Variants in ARMC9 observed in about 807,000 individuals in gnomAD.
ARMC9 encodes armadillo repeat containing 9, also known as lisH domain-containing protein ARMC9.
ARMC9 carries 94 observed loss-of-function variants against 107.0 expected under a neutral mutation model. That is an observed-to-expected ratio of 0.88 (90% CI 0.74 to 1.04). The LOEUF (loss-of-function observed/expected upper bound fraction) is 1.04, where lower values mean the gene tolerates loss of function less well. Among genes scored for constraint, ARMC9 ranks in the 50% least tolerant of loss-of-function variants. The probability of loss-of-function intolerance (pLI) is 0.00; values close to 1 mark genes in which losing one functional copy is unlikely to be tolerated. For synonymous variants in ARMC9, 380 were observed against 396.9 expected (o/e 0.96, Z 0.51); for missense variants, 942 against 1,030.1 (o/e 0.91, Z 1.17).
intron 20 of ARMC9, among the ~76,000 whole-genome samples, chr2:231,342,739 G>A (rs2044592610): frequency 1.3e-5 from 2 of 152,046 alleles, no homozygotes; most frequent in African/African-American, 4.8e-5. Flanking sequence ...ATCCTGCCTT[G>A]GTAGATTTCT....
rs1338683915 is a variant in ARMC9, at chr2:231,262,179, G to A, written c.1027-127G>A. On this transcript the variant is annotated intron_variant, in intron 11 of 24. Coordinates refer to ENST00000611582, the MANE Select transcript of ARMC9 (RefSeq NM_001352754.2). ...TAACTTGCCACCACTCCCCAAGCTG[G>A]ATATTACTTATTTTGTTTGGTTAAA... 6 of 883,082 alleles carry A rather than the reference G, an allele frequency of 6.8e-6. No individual in the cohort carries two copies. In the East Asian group the frequency reaches 1.5e-4, roughly 22 times the overall value. 54.7% of individuals were successfully genotyped at this position (883,082 alleles called of 1,614,324 possible). A position where few individuals can be genotyped will look rare whatever the true frequency, so the allele number is the denominator to read the frequency against.
intron 9 of ARMC9, among the ~76,000 whole-genome samples, chr2:231,249,520 A>C (rs1349252193): frequency 1.3e-5 from 2 of 151,936 alleles, no homozygotes; most frequent in Non-Finnish European, 2.9e-5. Context: ...TCCTGACACC[A>C]GCTAGGGAGA....
At position 231,214,913 on chromosome 2, in the gene ARMC9, G is replaced by T. The variant is rs563490038; in HGVS notation, c.260G>T (p.Arg87Leu). The T allele has an allele frequency of 2.0e-5, 32 of 1,614,046 alleles. No individual in the cohort carries two copies. Among genetic ancestry groups the T allele is most frequent in the Non-Finnish European group, 2.6e-5 (31 of 1,180,036 alleles). The change falls in exon 4 of 25, where the codon CGA becomes CTA. Residue 87 changes from arginine (R) to leucine (L), a missense_variant. Coordinates refer to ENST00000611582, the MANE Select transcript of ARMC9 (RefSeq NM_001352754.2). The stretch of plus-strand genomic sequence containing the variant: ...GAGGAGCACATTTCAAGTTCCATCC[G>T]AGATGGGGACTCCTTTGCCCAGAAG... ...LWEEHISSSIRDGDSFAQKLE... is the reference protein window; with the variant it reads ...LWEEHISSSILDGDSFAQKLE...
intron 20 of ARMC9, among the ~76,000 whole-genome samples, chr2:231,332,941 G>A (rs142711692): frequency 2.0e-5 from 3 of 152,304 alleles, no homozygotes; most frequent in Non-Finnish European, 4.4e-5. Context: ...TGGAGCCAGC[G>A]TCTCAACAGT....
At chr2:231,283,605 T>C (rs1236751964) in intron 17 of ARMC9, among the ~76,000 whole-genome samples, 1 of 152,044 alleles carries the variant, frequency 6.6e-6, no homozygotes, top group Non-Finnish European at 1.5e-5. Context: ...GATTTTTGTA[T>C]TTTTAGTAGA....
At position 231,287,844 on chromosome 2, in the gene ARMC9, G is replaced by T. The variant is rs530277067; in HGVS notation, c.1627-3509G>T. On this transcript the variant is annotated intron_variant, in intron 17 of 24. Coordinates refer to ENST00000611582, the MANE Select transcript of ARMC9 (RefSeq NM_001352754.2). Reference sequence around the variant, plus strand: ...ACACAAGACATGAGCAAAGATGTATGTATCAGAATGTTCATTCCAGCTTTA... The same window carrying T: ...ACACAAGACATGAGCAAAGATGTATTTATCAGAATGTTCATTCCAGCTTTA... Among the ~76,000 whole-genome samples, 7 of 152,298 alleles carry T rather than the reference G, an allele frequency of 4.6e-5. No homozygotes were observed. In the South Asian group the frequency reaches 1.5e-3, roughly 32 times the overall value.
chr2:231,298,421 C>T (rs1040594736), intron 19 of ARMC9, among the ~76,000 whole-genome samples: 1 of 152,160 alleles, frequency 6.6e-6, no homozygotes, highest in African/African-American at 2.4e-5. Context: ...AGATCTTAGG[C>T]TAAAGAAAAT....
rs72985845 is a variant in ARMC9 at position 231,328,386 on chromosome 2, G to A, written c.1774-3407G>A. 5.0e-3 allele frequency among the ~76,000 whole-genome samples: 764 copies of A among 152,132 alleles called. 7 individuals are homozygous for A. The highest frequency in any genetic ancestry group is 9.3e-3 in the Non-Finnish European group (632 of 67,992). On this transcript the variant is annotated intron_variant, in intron 19 of 24. Transcript: ENST00000611582. ...ATCTTCTTAACAGCGTCTTTTCACC[G>A]AACAAGTTTTTAAGTTTTTTGATGA... is the stretch of plus-strand genomic sequence containing the variant.
At chr2:231,344,474 G>C (rs2044699328) in intron 20 of ARMC9, among the ~76,000 whole-genome samples, 1 of 152,112 alleles carries the variant, frequency 6.6e-6, no homozygotes, top group African/African-American at 2.4e-5. Context: ...TATCAATTTA[G>C]TGTTTTACTT....
chr2:231,238,348 TG>T (rs1163678206), intron 8 of ARMC9, among the ~76,000 whole-genome samples: 5 of 151,972 alleles, frequency 3.3e-5, no homozygotes, highest in South Asian at 2.1e-4. Flanking sequence ...GAAAAAGGTA[TG>T]TTTTTTTGTT....
chr2:231,205,552 A>C (rs1188743598), intron 1 of ARMC9, among the ~76,000 whole-genome samples: 1 of 152,178 alleles, frequency 6.6e-6, no homozygotes, highest in Non-Finnish European at 1.5e-5. Flanking sequence ...GGTGTGGGCC[A>C]TGGGGAATGA....
chr2:231,237,175 C>CCTGT (rs71296843), intron 8 of ARMC9, among the ~76,000 whole-genome samples: 2,752 of 148,802 alleles, frequency 0.018, 85 homozygotes, highest in African/African-American at 0.065. Context: ...TCTGCGTATG[C>CCTGT]GTGTGTGTGT....
chr2:231,323,244 G>C (rs1051933525), intron 19 of ARMC9, among the ~76,000 whole-genome samples: 1 of 152,002 alleles, frequency 6.6e-6, no homozygotes, highest in Non-Finnish European at 1.5e-5. Flanking sequence ...CTCCCAGCTG[G>C]AAGGCCTGAG....
intron 19 of ARMC9, among the ~76,000 whole-genome samples, chr2:231,307,262 T>C (rs2042085721): frequency 6.6e-6 from 1 of 152,196 alleles, no homozygotes; most frequent in Non-Finnish European, 1.5e-5. Flanking sequence ...ATAAGCATGC[T>C]GAGGACTGTT....
At chr2:231,307,769 G>A (rs2042115075) in intron 19 of ARMC9, among the ~76,000 whole-genome samples, 1 of 152,232 alleles carries the variant, frequency 6.6e-6, no homozygotes, top group African/African-American at 2.4e-5. Flanking sequence ...CAGGCATCTG[G>A]CCATAACGTT....
At chr2:231,280,754 G>A (rs768065728) in intron 16 of ARMC9, among the ~76,000 whole-genome samples, 8 of 152,292 alleles carry the variant, frequency 5.3e-5, no homozygotes, top group Non-Finnish European at 8.8e-5. Flanking sequence ...ATTCCTAATA[G>A]ATGAAGAGCT....
intron 23 of ARMC9, among the ~76,000 whole-genome samples, chr2:231,361,533 C>T (rs2045583406): frequency 6.6e-6 from 1 of 151,608 alleles, no homozygotes; most frequent in African/African-American, 2.4e-5. Context: ...CTCTCTTCCA[C>T]TGTGCCACGT....
intron 9 of ARMC9, chr2:231,256,073 C>T (rs2037763507): frequency 6.5e-7 from 1 of 1,539,304 alleles, no homozygotes; most frequent in Non-Finnish European, 8.7e-7. Flanking sequence ...CGCCTCTCCG[C>T]CAGACCGCCG....
At chr2:231,303,375 A>G (rs2041869837) in intron 19 of ARMC9, among the ~76,000 whole-genome samples, 1 of 152,178 alleles carries the variant, frequency 6.6e-6, no homozygotes, top group Non-Finnish European at 1.5e-5. Flanking sequence ...TGTGCTGGCT[A>G]GAGACTCTAG....
Sources: allele counts gnomAD v4.1 joint callset (sites outside exome capture counted in the v4.1 genomes callset), GRCh38; gene constraint gnomAD v4.1.1; transcripts MANE v1.5; gene names NCBI Gene and HGNC (gene_info 2026-07-23, HGNC 2026-07-21).